Variants in ZNF185 observed in about 807,000 individuals in gnomAD.
ZNF185 encodes zinc finger protein 185.
A neutral mutation model predicts 58.6 loss-of-function variants in ZNF185; 56 were observed. The ratio of observed to expected loss-of-function variants is 0.95; its 90% CI spans 0.77 to 1.19. The LOEUF is 1.19. Among genes scored for constraint, ZNF185 ranks in the 50% most tolerant of loss-of-function variants. The probability of loss-of-function intolerance (pLI) is 0.00; values close to 1 mark genes in which losing one functional copy is unlikely to be tolerated. For synonymous variants in ZNF185, 230 were observed against 215.9 expected (o/e 1.07, Z -0.57); for missense variants, 627 against 573.5 (o/e 1.09, Z -0.95).
At chrX:152,967,213 T>G in exon 20 of ZNF185, 2 of 1,211,662 alleles carry the variant, frequency 1.7e-6, no homozygotes, top group Non-Finnish European at 2.2e-6. Context: ...GAAGCCTCCA[T>G]GTGGCAGCAC....
chrX:152,937,860 C>G (rs782549616), intron 14 of ZNF185, among the ~76,000 whole-genome samples: 1 of 112,494 alleles, frequency 8.9e-6, no homozygotes, highest in South Asian at 3.6e-4. Flanking sequence ...AGTGTTTGCT[C>G]TTGAACTCAG....
In ZNF185 at chrX:152,932,878, G is replaced by T. The variant is rs782171371; in HGVS notation, c.1028G>T (p.Ser343Ile). Residue 343 changes from serine (S) to isoleucine (I), a missense_variant, in exon 14 of 23, where the codon AGT (serine) becomes ATT (isoleucine). Transcript: ENST00000449285. ...TACTCCACTTCTCATAACAGGTCAA[G>T]TGCACAGTTGAGTGATGGCAATGTG... is the stretch of plus-strand genomic sequence containing the variant. 2.5e-6 allele frequency: 3 copies of T among 1,200,443 alleles called. No individual in the cohort carries two copies. In the South Asian group the frequency reaches 5.4e-5, roughly 22 times the overall value.
At chrX:152,936,016 AG>A (rs2046240433) in intron 14 of ZNF185, among the ~76,000 whole-genome samples, 1 of 112,740 alleles carries the variant, frequency 8.9e-6, no homozygotes, top group South Asian at 3.6e-4. Flanking sequence ...CTGTGGTAAC[AG>A]GAACACATTA....
chrX:152,932,588 CAT>C (rs1250752102), intron 13 of ZNF185, among the ~76,000 whole-genome samples: 1 of 112,309 alleles, frequency 8.9e-6, no homozygotes, highest in Non-Finnish European at 1.9e-5. Context: ...ACCAGACCCA[CAT>C]GTCTTGCCCC....
At chrX:152,945,419 C>G in exon 16 of ZNF185, 2 of 1,206,724 alleles carry the variant, frequency 1.7e-6, no homozygotes, top group Non-Finnish European at 2.2e-6. Context: ...CAGAGCAGCC[C>G]CAGCGGATCT....
At chrX:152,962,972 A>G (rs2049694086) in intron 17 of ZNF185, among the ~76,000 whole-genome samples, 1 of 113,278 alleles carries the variant, frequency 8.8e-6, no homozygotes, top group Non-Finnish European at 1.9e-5. Context: ...AGGCAGCCAT[A>G]TCTGGAGTAT....
At chrX:152,936,916 T>TA (rs2046360098) in intron 14 of ZNF185, among the ~76,000 whole-genome samples, 2 of 110,537 alleles carry the variant, frequency 1.8e-5, no homozygotes, top group Non-Finnish European at 3.8e-5. Context: ...AGGGCTCAGT[T>TA]CCCAGGAGCA....
At position 152,945,309 on chromosome X, in the gene ZNF185, C is replaced by CGGAGAGGCCTGGCA. The variant is rs1472617001; in HGVS notation, c.1267_1280dup (p.Ala428ArgfsTer50). The stretch of plus-strand genomic sequence containing the variant: ...AGGGGAAGGATGTGGCCACCAGGGT[C>CGGAGAGGCCTGGCA]GGAGAGGCCTGGCAGGAGAGGCCTG... On this transcript the variant is annotated frameshift_variant, in exon 16 of 23. Transcript: ENST00000449285. LOFTEE classifies it high-confidence loss of function. 1 of 1,208,143 alleles carries CGGAGAGGCCTGGCA rather than the reference C, an allele frequency of 8.3e-7. No individual in the cohort carries two copies. The highest frequency in any genetic ancestry group is 1.1e-6 in the Non-Finnish European group (1 of 894,165).
chrX:152,936,933 C>T (rs540332506), intron 14 of ZNF185, among the ~76,000 whole-genome samples: 18 of 111,034 alleles, frequency 1.6e-4, no homozygotes, highest in South Asian at 3.8e-4. Context: ...AGCACAGGAC[C>T]GGTGGCTGGG....
chrX:152,936,943 G>A (rs2046366700), intron 14 of ZNF185, among the ~76,000 whole-genome samples: 3 of 111,335 alleles, frequency 2.7e-5, no homozygotes, highest in Non-Finnish European at 5.7e-5. Flanking sequence ...CGGTGGCTGG[G>A]ATGGGCAAAA....
the ZNF185 span, among the ~76,000 whole-genome samples, chrX:152,901,252 T>G: frequency 1.9e-5 from 2 of 107,460 alleles, no homozygotes; most frequent in Non-Finnish European, 3.9e-5. Flanking sequence ...TTTTTTTTTT[T>G]TTTGTTAGAG....
At chrX:152,957,294 G>C (rs978760329) in intron 16 of ZNF185, among the ~76,000 whole-genome samples, 3 of 107,662 alleles carry the variant, frequency 2.8e-5, no homozygotes, top group Non-Finnish European at 5.7e-5. Flanking sequence ...GGCTGGTCTC[G>C]AACTCCCAGG....
At chrX:152,968,068 G>A (rs1556916087) in intron 20 of ZNF185, among the ~76,000 whole-genome samples, 2 of 112,022 alleles carry the variant, frequency 1.8e-5, no homozygotes, top group African/African-American at 3.2e-5. Flanking sequence ...GGAAGTAAGA[G>A]GGTTAAGATA....
intron 14 of ZNF185, 98 bp from the exon 16 acceptor site, chrX:152,936,320 C>T (rs2046280287): frequency 1.4e-6 from 1 of 698,852 alleles, no homozygotes; most frequent in African/African-American, 2.1e-5. Flanking sequence ...CTTCTTGGTC[C>T]TCATCATCTG....
intron 14 of ZNF185, 148 bp from the exon 16 acceptor site, chrX:152,936,270 T>G (rs2046272379): frequency 8.0e-5 from 37 of 463,264 alleles, no homozygotes; most frequent in Non-Finnish European, 1.0e-4. Context: ...CAGGCTGCCT[T>G]GAGATATAAA....
intron 16 of ZNF185, among the ~76,000 whole-genome samples, chrX:152,954,950 T>C (rs2048671079): frequency 9.1e-6 from 1 of 109,793 alleles, no homozygotes; most frequent in South Asian, 4.0e-4. Context: ...GGAAGATTTA[T>C]AGATTAAAAA....
exon 22 of ZNF185, chrX:152,970,463 G>C (rs1461344976): frequency 1.7e-6 from 2 of 1,209,878 alleles, no homozygotes; most frequent in Admixed American, 4.4e-5. Context: ...GCAGTAAACC[G>C]ATGGGCGATC....
At chrX:152,938,718 G>A (rs1212251307) in intron 15 of ZNF185, among the ~76,000 whole-genome samples, 2 of 110,862 alleles carry the variant, frequency 1.8e-5, no homozygotes, top group Non-Finnish European at 3.8e-5. Context: ...TGTCTCATAC[G>A]GTTCTCCTCA....
Position 152,918,978 on chromosome X carries a change from C to T in ZNF185, c.432-5C>T, listed in dbSNP as rs1939128852. ...TGACAGGAAAGCGCCTCTCCCCTCT[C>T]TTAGGGCACCCTACAATATCAGGCG... On this transcript the variant is annotated splice_polypyrimidine_tract_variant and splice_region_variant and intron_variant, in intron 6 of 22. Transcript: ENST00000449285. 8.3e-7 allele frequency: 1 copy of T among 1,205,756 alleles called. No homozygotes were observed. The highest frequency in any genetic ancestry group is 1.1e-6 in the Non-Finnish European group (1 of 891,414).
Sources: allele counts gnomAD v4.1 joint callset (sites outside exome capture counted in the v4.1 genomes callset), GRCh38; gene constraint gnomAD v4.1.1; transcripts MANE v1.5; gene names NCBI Gene and HGNC (gene_info 2026-07-23, HGNC 2026-07-21).